The following ZNF585B variants were observed in gnomAD, a reference collection of about 807,000 sequenced individuals.
The protein encoded by ZNF585B is zinc finger protein 585B.
ZNF585B carries 7 observed loss-of-function variants against 14.0 expected under a neutral mutation model. The observed-to-expected ratio is 0.50, with a 90% CI of 0.28 to 0.94. The LOEUF (loss-of-function observed/expected upper bound fraction) is 0.94. Ranked by LOEUF, ZNF585B falls within the 40% of genes least tolerant of loss-of-function variation. The pLI, the probability that ZNF585B is intolerant of heterozygous loss-of-function variation, is 0.09. For synonymous variants in ZNF585B, 290 were observed against 317.3 expected, an observed-to-expected ratio of 0.91 and a Z score of 0.91; for missense variants, 750 against 924.4, an observed-to-expected ratio of 0.81 and a Z score of 2.45.
chr19:37,204,568 C>A (rs978036348), intron 2 of ZNF585B, among the ~76,000 whole-genome samples: 1 of 152,182 alleles, frequency 6.6e-6, no homozygotes, highest in Non-Finnish European at 1.5e-5. Flanking sequence ...CTGCCTAATG[C>A]AAGAGACTGC....
rs1972301268 is a variant in ZNF585B at position 37,184,435 on chromosome 19, AGAAAGAAG to A, written c.*784_*791del. ...AAGAAAGAGAAAGAAAGAAAAAGAA[AGAAAGAAG>A]GAAAGAAAGAAAGAAAGAAAGAAAG... On this transcript the variant is annotated 3_prime_UTR_variant, in exon 5 of 5. Coordinates refer to ENST00000532828, the MANE Select transcript of ZNF585B (RefSeq NM_152279.4). 3.9e-5 allele frequency: 3 copies of A among 77,384 alleles called. No homozygotes were observed. Among genetic ancestry groups the A allele is most frequent in the African/African-American group, 1.8e-4 (3 of 16,624 alleles). 4.8% of individuals were successfully genotyped at this position (77,384 alleles called of 1,614,324 possible). A position where few individuals can be genotyped will look rare whatever the true frequency, so the allele number is the denominator to read the frequency against.
In ZNF585B at chr19:37,184,475, AGAAAG is replaced by A. The variant is rs1568505024; in HGVS notation, c.*747_*751del. On this transcript the variant is annotated 3_prime_UTR_variant, in exon 5 of 5. Coordinates refer to ENST00000532828, the MANE Select transcript of ZNF585B (RefSeq NM_152279.4). Reference sequence around the variant, plus strand: ...AAGAAAGAAAGAAAGAAAGAAAGAAAGAAAGAAAGAAAGAAAGAAAGAAAGAAAGA... The same window carrying A: ...AAGAAAGAAAGAAAGAAAGAAAGAAAAAAGAAAGAAAGAAAGAAAGAAAGA... 8.1e-6 allele frequency: 1 copy of A among 123,336 alleles called. No homozygotes were observed. Among genetic ancestry groups the A allele is most frequent in the African/African-American group, 3.3e-5 (1 of 30,638 alleles). 7.6% of individuals were successfully genotyped at this position (123,336 alleles called of 1,614,324 possible). A position where few individuals can be genotyped will look rare whatever the true frequency, so the allele number is the denominator to read the frequency against.
rs754792599 is a variant in ZNF585B at position 37,184,259 on chromosome 19, A to C, written c.*968T>G. The C allele has an allele frequency of 6.6e-6, 1 of 152,082 alleles. No homozygotes were observed. Among genetic ancestry groups the C allele is most frequent in the Non-Finnish European group, 1.5e-5 (1 of 68,294 alleles). The allele number at this position is 152,082 out of a possible 1,614,324, so 9.4% of individuals were successfully genotyped here. Reference sequence around the variant, plus strand: ...TCCCAGCTACTCAGGAGGCTGAGGCAGGAGAATTGCTTGAGCCCGGGAGAC... The same window carrying C: ...TCCCAGCTACTCAGGAGGCTGAGGCCGGAGAATTGCTTGAGCCCGGGAGAC... On this transcript the variant is annotated 3_prime_UTR_variant, in exon 5 of 5. Coordinates refer to ENST00000532828, the MANE Select transcript of ZNF585B (RefSeq NM_152279.4).
intron 2 of ZNF585B, among the ~76,000 whole-genome samples, chr19:37,197,443 A>G (rs530526880): frequency 6.6e-6 from 1 of 152,224 alleles, no homozygotes; most frequent in South Asian, 2.1e-4. Context: ...ATAAACATAC[A>G]TGTGCATGTG....
At position 37,190,161 on chromosome 19, in the gene ZNF585B, A is replaced by G; in HGVS notation, c.73-11T>C. On this transcript the variant is annotated splice_polypyrimidine_tract_variant and intron_variant, in intron 2 of 4. Coordinates refer to ENST00000532828, the MANE Select transcript of ZNF585B (RefSeq NM_152279.4). ...GAAGGACACTGATCCCTGTAAGGGC[A>G]CATTCCTGTTCAATGTGCATAGTCA... is the stretch of plus-strand genomic sequence containing the variant. The G allele has an allele frequency of 6.2e-7, 1 of 1,614,148 alleles. No individual in the cohort carries two copies. The highest frequency in any genetic ancestry group is 8.5e-7 in the Non-Finnish European group (1 of 1,180,004).
At chr19:37,187,389 A>G in intron 4 of ZNF585B, 145 bp from the exon 5 acceptor site, 1 of 618,934 alleles carries the variant, frequency 1.6e-6, no homozygotes, top group Non-Finnish European at 2.7e-6. Flanking sequence ...TCACACTGAT[A>G]GGGTTTTTAG....
chr19:37,190,756 G>A (rs1260324734), intron 2 of ZNF585B, among the ~76,000 whole-genome samples: 1 of 151,702 alleles, frequency 6.6e-6, no homozygotes, highest in East Asian at 1.9e-4. Flanking sequence ...AGTAGAGACT[G>A]GGTTTCACCA....
rs772801534 is a variant in ZNF585B at position 37,198,437 on chromosome 19, G to A, written c.73-8287C>T. 5.2e-4 allele frequency among the ~76,000 whole-genome samples: 79 copies of A among 152,138 alleles called. 1 individual carries two copies. Among genetic ancestry groups the A allele is most frequent in the Admixed American group, 4.3e-3 (65 of 15,260 alleles). ...TCCACCAGCCTCAGCTTCTCAAAGT[G>A]CTGGGATTACAGGCATGAGCCACCA... On this transcript the variant is annotated intron_variant, in intron 2 of 4. Coordinates refer to ENST00000532828, the MANE Select transcript of ZNF585B (RefSeq NM_152279.4).
At position 37,183,741 on chromosome 19, in the gene ZNF585B, G is replaced by A. The variant is rs999889371; in HGVS notation, c.*1486C>T. 6.6e-6 allele frequency: 1 copy of A among 152,280 alleles called. No individual in the cohort carries two copies. Among genetic ancestry groups the A allele is most frequent in the Non-Finnish European group, 1.5e-5 (1 of 68,024 alleles). The allele number at this position is 152,280 out of a possible 1,614,324, so 9.4% of individuals were successfully genotyped here. A position where few individuals can be genotyped will look rare whatever the true frequency, so the allele number is the denominator to read the frequency against. Reference sequence around the variant, plus strand: ...GGGAAGGTCCTTGTGGGGTGCGTGGGACGAAGATGGACACAAGTAGACAGT... The same window carrying A: ...GGGAAGGTCCTTGTGGGGTGCGTGGAACGAAGATGGACACAAGTAGACAGT... On this transcript the variant is annotated 3_prime_UTR_variant, in exon 5 of 5. Coordinates refer to ENST00000532828, the MANE Select transcript of ZNF585B (RefSeq NM_152279.4).
At chr19:37,201,670 A>G (rs1001137949) in intron 2 of ZNF585B, among the ~76,000 whole-genome samples, 3 of 152,216 alleles carry the variant, frequency 2.0e-5, no homozygotes, top group African/African-American at 7.2e-5. Context: ...TCCTAATTTT[A>G]TTAAAAGTAG....
At chr19:37,201,089 C>CAAAAAAAAA (rs34379718) in intron 2 of ZNF585B, among the ~76,000 whole-genome samples, 1 of 106,680 alleles carries the variant, frequency 9.4e-6, no homozygotes, top group African/African-American at 3.3e-5. Context: ...GACTCCGTCT[C>CAAAAAAAAA]AAAAAAAAAA....
intron 2 of ZNF585B, among the ~76,000 whole-genome samples, chr19:37,200,549 CA>C (rs368092726): frequency 0.053 from 2,608 of 48,762 alleles, 17 homozygotes; most frequent in East Asian, 0.091. Context: ...GATTCTGTCT[CA>C]AAAAAAAAAA....
rs116057931 is a variant in ZNF585B at position 37,189,298 on chromosome 19, C to T, written c.292+363G>A. On this transcript the variant is annotated intron_variant, in intron 4 of 4. Transcript: ENST00000532828. ...AGACAGAAATAAAAGGGGTGTAGCA[C>T]GAGTGGGAGTGTGTGACACAGAGTA... is the stretch of plus-strand genomic sequence containing the variant. Among the ~76,000 whole-genome samples the T allele has an allele frequency of 5.1e-3, 771 of 151,864 alleles. 10 individuals carry two copies. The highest frequency in any genetic ancestry group is 0.017 in the African/African-American group (717 of 41,382).
Position 37,186,382 on chromosome 19 carries a change from A to C in ZNF585B, c.1155T>G (p.Ser385Arg), listed in dbSNP as rs776215642. The C allele has an allele frequency of 1.9e-6, 3 of 1,614,128 alleles. No individual in the cohort carries two copies. The highest frequency in any genetic ancestry group is 1.1e-5 in the South Asian group (1 of 91,076). Residue 385 changes from serine to arginine, a missense_variant, in exon 5 of 5, where the codon AGT becomes AGG. Around this residue, in one of 2 missense-constraint regions of ZNF585B, gnomAD observed 517 missense variants for 570.3 expected, o/e 0.91. Coordinates refer to ENST00000532828, the MANE Select transcript of ZNF585B (RefSeq NM_152279.4). ...TCTGAGTGAAGGCTCTCCCACAGTC[A>C]CTGCATTCATAAGGTTTCTCTCCAG... ...IHTGEKPYEC[S>R]DCGRAFTQKS...
chr19:37,199,678 C>T (rs1021387667), intron 2 of ZNF585B, among the ~76,000 whole-genome samples: 57 of 152,186 alleles, frequency 3.7e-4, no homozygotes, highest in African/African-American at 1.3e-3. Flanking sequence ...TAATATACTA[C>T]AAATAAATTG....
At chr19:37,208,341 C>T (rs1972609028) in intron 1 of ZNF585B, among the ~76,000 whole-genome samples, 1 of 152,014 alleles carries the variant, frequency 6.6e-6, no homozygotes, top group Admixed American at 6.6e-5. Flanking sequence ...TTTAAAACCC[C>T]TAAGGATATT....
At chr19:37,190,537 C>G (rs896001856) in intron 2 of ZNF585B, 1 of 161,208 alleles carries the variant, frequency 6.2e-6, no homozygotes. Context: ...CAAGCTTGAG[C>G]CACCGCATCT....
In ZNF585B at chr19:37,185,829, T is replaced by C; in HGVS notation, c.1708A>G (p.Lys570Glu). 1.2e-6 allele frequency: 2 copies of C among 1,611,126 alleles called. No homozygotes were observed. Among genetic ancestry groups the C allele is most frequent in the South Asian group, 2.2e-5 (2 of 90,614 alleles). Residue 570 changes from lysine to glutamate, a missense_variant, in exon 5 of 5, where the codon AAA becomes GAA. Physicochemically the swap from Lys to Glu is moderately conservative, Grantham distance 56. Coordinates refer to ENST00000532828, the MANE Select transcript of ZNF585B (RefSeq NM_152279.4). ...NQKSILIVHQ[K>E]IHTGEKPYVC... is the part of the protein sequence containing the mutation. ...TAGGGTTTCTCTCCTGTATGAATTTTCTGATGAACAATGAGTATTGATTTC... is the reference window on the plus strand; with the variant it reads ...TAGGGTTTCTCTCCTGTATGAATTTCCTGATGAACAATGAGTATTGATTTC...
chr19:37,192,098 C>T (rs1148395), intron 2 of ZNF585B, among the ~76,000 whole-genome samples: 126,492 of 152,146 alleles, frequency 0.83, 53,143 homozygotes, highest in African/African-American at 0.96. Flanking sequence ...CAACCTGCCA[C>T]ACAGTGGCTG....
Sources: allele counts gnomAD v4.1 joint callset (sites outside exome capture counted in the v4.1 genomes callset), GRCh38; gene constraint gnomAD v4.1.1; regional missense constraint gnomAD v4.1.1; transcripts MANE v1.5; gene names NCBI Gene and HGNC (gene_info 2026-07-23, HGNC 2026-07-21).